The following LRRC37A2 variants were observed in gnomAD, a reference collection of about 807,000 sequenced individuals.
LRRC37A2 encodes the protein leucine rich repeat containing 37 member A2, also known as leucine-rich repeat-containing protein 37A2.
Under a neutral mutation model 68.8 loss-of-function variants are expected in LRRC37A2, and 9 were observed. The ratio of observed to expected loss-of-function variants is 0.13; its 90% CI spans 0.08 to 0.23. The LOEUF (loss-of-function observed/expected upper bound fraction) is 0.23. Among genes scored for constraint, LRRC37A2 ranks in the 10% least tolerant of loss-of-function variants. The probability of loss-of-function intolerance (pLI) is 1.00; values close to 1 mark genes in which losing one functional copy is unlikely to be tolerated. For missense variants in LRRC37A2, 168 were observed against 950.4 expected, an observed-to-expected ratio of 0.18 and a Z score of 10.82; for synonymous variants, 63 against 367.6, an observed-to-expected ratio of 0.17 and a Z score of 9.48.
At chr17:46,986,497 G>A in the LRRC37A2 span, among the ~76,000 whole-genome samples, 2 of 152,254 alleles carry the variant, frequency 1.3e-5, no homozygotes, top group East Asian at 1.9e-4. Flanking sequence ...CTGGCTTCCC[G>A]AGTAGAAAAA....
chr17:46,943,555 T>C, the LRRC37A2 span, among the ~76,000 whole-genome samples: 1 of 152,216 alleles, frequency 6.6e-6, no homozygotes. Flanking sequence ...TACTGCACGC[T>C]TCCTGCGGAA....
chr17:46,474,209 C>G, the LRRC37A2 span, among the ~76,000 whole-genome samples: 13 of 103,992 alleles, frequency 1.3e-4, no homozygotes, highest in African/African-American at 4.5e-4. Context: ...GCCACCACAC[C>G]CAGCTAACTT....
the LRRC37A2 span, among the ~76,000 whole-genome samples, chr17:46,800,543 T>C: frequency 1.4e-4 from 22 of 152,180 alleles, no homozygotes; most frequent in African/African-American, 4.8e-4. Flanking sequence ...ACAAGACAGA[T>C]GCACATGAAG....
chr17:46,823,108 C>CATATATT, the LRRC37A2 span, among the ~76,000 whole-genome samples: 1 of 105,948 alleles, frequency 9.4e-6, no homozygotes, highest in Non-Finnish European at 1.9e-5. Flanking sequence ...ATAATAAACA[C>CATATATT]ATATATTATA....
chr17:47,005,700 G>A, the LRRC37A2 span: 26 of 152,126 alleles, frequency 1.7e-4, no homozygotes, highest in Admixed American at 1.6e-3. Flanking sequence ...GGAATAAGAC[G>A]GGGACATAGC....
At chr17:46,980,239 G>T in the LRRC37A2 span, among the ~76,000 whole-genome samples, 5 of 152,068 alleles carry the variant, frequency 3.3e-5, no homozygotes, top group African/African-American at 9.7e-5. Context: ...TTTAGTGAAG[G>T]AATGGCATTT....
the LRRC37A2 span, chr17:46,930,833 A>G: frequency 9.9e-6 from 4 of 403,992 alleles, no homozygotes; most frequent in African/African-American, 8.1e-5. Flanking sequence ...AAAGGTAGGA[A>G]ATTTATTTCT....
chr17:46,557,013 C>CT (rs2057317392), downstream of LRRC37A2: 1 of 322,916 alleles, frequency 3.1e-6, no homozygotes, highest in South Asian at 2.8e-5. Context: ...ACAAGTTTAG[C>CT]TATATAACGA....
the LRRC37A2 span, among the ~76,000 whole-genome samples, chr17:46,488,620 G>A: frequency 8.7e-6 from 1 of 114,778 alleles, no homozygotes; most frequent in Non-Finnish European, 1.8e-5. Flanking sequence ...CAGGAGAATC[G>A]CTTGAACCCA....
At chr17:46,945,738 G>A in the LRRC37A2 span, among the ~76,000 whole-genome samples, 1 of 152,138 alleles carries the variant, frequency 6.6e-6, no homozygotes, top group Non-Finnish European at 1.5e-5. Context: ...TTGTGCCCCA[G>A]GCATGTGCAG....
chr17:46,958,206 A>G, the LRRC37A2 span, among the ~76,000 whole-genome samples: 1 of 152,236 alleles, frequency 6.6e-6, no homozygotes, highest in African/African-American at 2.4e-5. Flanking sequence ...GGTCAGGCCA[A>G]CCAACTTGGA....
chr17:46,462,451 A>G, the LRRC37A2 span, among the ~76,000 whole-genome samples: 1 of 67,468 alleles, frequency 1.5e-5, no homozygotes, highest in Non-Finnish European at 3.8e-5. Flanking sequence ...AACATTTGAC[A>G]ACTTGATTCT....
At chr17:46,721,853 G>A in the LRRC37A2 span, 7 of 1,580,124 alleles carry the variant, frequency 4.4e-6, no homozygotes, top group Admixed American at 1.7e-5. Context: ...GCTTTTTCGA[G>A]TTGGCTTAGG....
the LRRC37A2 span, among the ~76,000 whole-genome samples, chr17:46,897,775 C>T: frequency 1.8e-3 from 275 of 152,240 alleles, no homozygotes; most frequent in African/African-American, 6.2e-3. Flanking sequence ...CAGGTGTGAG[C>T]CACCACGCTG....
the LRRC37A2 span, among the ~76,000 whole-genome samples, chr17:46,758,521 G>A: frequency 1.8e-4 from 27 of 152,232 alleles, no homozygotes; most frequent in African/African-American, 5.8e-4. Flanking sequence ...ATTGTTAACC[G>A]GCTATTTTTT....
the LRRC37A2 span, chr17:46,721,957 T>C: frequency 3.1e-6 from 5 of 1,604,078 alleles, no homozygotes; most frequent in Non-Finnish European, 3.4e-6. Flanking sequence ...TCTGGAAAGA[T>C]TTCAGTTGAG....
At chr17:46,711,075 C>G in the LRRC37A2 span, 1 of 1,578,828 alleles carries the variant, frequency 6.3e-7, no homozygotes, top group Non-Finnish European at 8.6e-7. Flanking sequence ...GTGCAGCAGA[C>G]TAAGAACAGT....
chr17:46,971,872 G>A, the LRRC37A2 span, among the ~76,000 whole-genome samples: 1 of 152,240 alleles, frequency 6.6e-6, no homozygotes, highest in Non-Finnish European at 1.5e-5. Flanking sequence ...GGCCACACCT[G>A]TTGGGCACCT....
chr17:46,834,172 T>A, the LRRC37A2 span, among the ~76,000 whole-genome samples: 90 of 152,102 alleles, frequency 5.9e-4, 1 homozygote, highest in Non-Finnish European at 9.9e-4. Flanking sequence ...TCCAGCCTGG[T>A]CGATGGAGTG....
Sources: gnomAD v4.1 joint callset for allele counts (sites outside exome capture counted in the v4.1 genomes callset) on GRCh38, gnomAD v4.1.1 for gene constraint, MANE v1.5 for transcripts, NCBI Gene and HGNC (gene_info 2026-07-23, HGNC 2026-07-21) for gene names.